Variants in TAPBPL observed in about 807,000 individuals in gnomAD.
TAPBPL encodes the protein tapasin-related protein.
TAPBPL carries 32 observed loss-of-function variants against 44.8 expected under a neutral mutation model. The observed-to-expected ratio is 0.71, with a 90% confidence interval of 0.54 to 0.96. The LOEUF (loss-of-function observed/expected upper bound fraction) is 0.96. TAPBPL is among the 40% of genes least tolerant of loss of function. The probability of loss-of-function intolerance (pLI) is 0.00; values close to 1 mark genes in which losing one functional copy is unlikely to be tolerated. For missense variants in TAPBPL, 520 were observed against 586.6 expected (o/e 0.89, Z 1.17); for synonymous variants, 230 against 240.7 (o/e 0.96, Z 0.41).
In TAPBPL at chr12:6,459,764, ATTTT is replaced by A. The variant is rs781610589; in HGVS notation, c.1207+818_1207+821del. Reference sequence around the variant, plus strand: ...TATTTATTTATTTATTTATTTATTTATTTTATTTTATTTTACTTTTTTTCGATAC... The same window carrying A: ...TATTTATTTATTTATTTATTTATTTAATTTTATTTTACTTTTTTTCGATAC... On this transcript the variant is annotated intron_variant, in intron 5 of 6. Coordinates refer to ENST00000266556, the MANE Select transcript of TAPBPL (RefSeq NM_018009.5). Among the ~76,000 whole-genome samples the A allele has an allele frequency of 3.5e-3, 397 of 112,824 alleles. 3 individuals are homozygous for A. Among genetic ancestry groups the A allele is most frequent in the African/African-American group, 0.017 (299 of 17,922 alleles). The allele number at this position is 112,824 out of a possible 152,430, so 74.0% of individuals were successfully genotyped here. A position where few individuals can be genotyped will look rare whatever the true frequency, so the allele number is the denominator to read the frequency against.
Position 6,453,183 on chromosome 12 carries a change from TC to T in TAPBPL, c.184del (p.Val63CysfsTer2), listed in dbSNP as rs1249828913. 6.2e-7 allele frequency: 1 copy of T among 1,612,078 alleles called. No individual in the cohort carries two copies. Among genetic ancestry groups the T allele is most frequent in the African/African-American group, 1.3e-5 (1 of 74,878 alleles). On this transcript the variant is annotated frameshift_variant, in exon 2 of 7. Transcript: ENST00000266556. LOFTEE classifies it high-confidence loss of function. This position sits in a 1 kb window ranked among gnomAD's most constrained non-coding sequence, Gnocchi z 4.8. ...CAGCAGTGAGGACAGGGCAAGGGCC[TC>T]CCTTGTGCTGAAGCAGGTGCCAGTG... ...LASSEDRARA[S>X]LVLKQVPVLD...
chr12:6,456,011 C>T (rs7305483), intron 3 of TAPBPL, among the ~76,000 whole-genome samples: 23,356 of 151,998 alleles, frequency 0.15, 2,118 homozygotes, highest in East Asian at 0.31. Context: ...CCACCCATCT[C>T]GGCCTCCCAA....
rs1412075931 is a variant in TAPBPL, at chr12:6,453,428, G to T, written c.296-19G>T. The T allele has an allele frequency of 6.2e-7, 1 of 1,613,452 alleles. No homozygotes were observed. Among genetic ancestry groups the T allele is most frequent in the Non-Finnish European group, 8.5e-7 (1 of 1,179,614 alleles). ...TCTCACGCTAATTTGCCCTCTGTGT[G>T]TGCCCTGCTTCTCCCCAGTGGACCT... On this transcript the variant is annotated intron_variant, in intron 2 of 6. Transcript: ENST00000266556. This position sits in a 1 kb window ranked among gnomAD's most constrained non-coding sequence, Gnocchi z 4.8.
chr12:6,452,973 C>A, intron 1 of TAPBPL, 94 bp from the exon 2 acceptor site: 1 of 1,294,214 alleles, frequency 7.7e-7, no homozygotes, highest in Non-Finnish European at 1.1e-6. Context: ...AACTTTTACC[C>A]TTTGATGACT....
At position 6,460,909 on chromosome 12, in the gene TAPBPL, T is replaced by C. The variant is rs1949840206; in HGVS notation, c.1262T>C (p.Leu421Pro). The change falls in exon 6 of 7, where the codon CTG (leucine) becomes CCG (proline). Residue 421 changes from leucine (L) to proline (P), a missense_variant. Transcript: ENST00000266556. ...GCCAGCAGTCTCTTCCTTCTTGCAC[T>C]GATGTTCCTGGGGCTTCAGAGACGG... ...IFASSLFLLA[L>P]MFLGLQRRQA... The C allele has an allele frequency of 6.2e-7, 1 of 1,613,996 alleles. No homozygotes were observed. Among genetic ancestry groups the C allele is most frequent in the Non-Finnish European group, 8.5e-7 (1 of 1,180,018 alleles).
At position 6,454,591 on chromosome 12, in the gene TAPBPL, C is replaced by G. The variant is rs138261393; in HGVS notation, c.565+875C>G. On this transcript the variant is annotated intron_variant, in intron 3 of 6. Coordinates refer to ENST00000266556, the MANE Select transcript of TAPBPL (RefSeq NM_018009.5). ...CAAAATGGAGATCGTTCTCATCTCA[C>G]TGGGCTGCCATGAGGAAATAAGACA... Among the ~76,000 whole-genome samples the G allele has an allele frequency of 2.0e-3, 302 of 152,322 alleles. 1 individual carries two copies. Among genetic ancestry groups the G allele is most frequent in the African/African-American group, 7.0e-3 (289 of 41,580 alleles).
In TAPBPL at chr12:6,462,236, G is replaced by C. The variant is rs1949890002; in HGVS notation, c.*87G>C. On this transcript the variant is annotated 3_prime_UTR_variant, in exon 7 of 7. Coordinates refer to ENST00000266556, the MANE Select transcript of TAPBPL (RefSeq NM_018009.5). Reference sequence around the variant, plus strand: ...TCCAACCCAAACAACAACCAAGCCAGTTTAATGGTAGGAATTTGTATTTTT... The same window carrying C: ...TCCAACCCAAACAACAACCAAGCCACTTTAATGGTAGGAATTTGTATTTTT... The C allele has an allele frequency of 8.7e-7, 1 of 1,154,274 alleles. No individual in the cohort carries two copies. The highest frequency in any genetic ancestry group is 1.6e-5 in the African/African-American group (1 of 63,868). 71.5% of individuals were successfully genotyped at this position (1,154,274 alleles called of 1,614,324 possible).
At chr12:6,466,295 C>T, downstream of TAPBPL, 3 of 1,614,130 alleles carry the variant, frequency 1.9e-6, no homozygotes, top group Non-Finnish European at 2.5e-6. Flanking sequence ...GCCAGGGGGA[C>T]CCCCACCTGG....
At chr12:6,452,746 G>A (rs1373213588) in intron 1 of TAPBPL, 1 of 611,624 alleles carries the variant, frequency 1.6e-6, no homozygotes, top group African/African-American at 1.8e-5. Flanking sequence ...TCTCTGCGGT[G>A]GCACTTGCTT....
chr12:6,457,480 T>G lies in TAPBPL; in HGVS notation c.640T>G (p.Phe214Val). ...LGSSASLDCG[F>V]SMAPGLDLIS... is the part of the protein sequence containing the mutation. ...GTCCTCAGCCTCCTTGGACTGTGGCTTCTCCATGGCACCGGGCTTGGACCT... is the reference window on the plus strand; with the variant it reads ...GTCCTCAGCCTCCTTGGACTGTGGCGTCTCCATGGCACCGGGCTTGGACCT... The change falls in exon 4 of 7, where the codon TTC becomes GTC. Residue 214 changes from phenylalanine (F) to valine (V), a missense_variant. Coordinates refer to ENST00000266556, the MANE Select transcript of TAPBPL (RefSeq NM_018009.5). The G allele has an allele frequency of 1.9e-6, 3 of 1,614,238 alleles. No homozygotes were observed. The highest frequency in any genetic ancestry group is 2.5e-6 in the Non-Finnish European group (3 of 1,180,044).
chr12:6,465,160 C>A, downstream of TAPBPL: 1 of 607,876 alleles, frequency 1.6e-6, no homozygotes, highest in Non-Finnish European at 2.8e-6. Context: ...CATCACAGGA[C>A]CTGCATTGAG....
upstream of TAPBPL, chr12:6,452,016 G>T (rs1281115490): frequency 6.9e-6 from 4 of 575,964 alleles, no homozygotes; most frequent in Admixed American, 1.2e-4. Flanking sequence ...AAAGGAAACA[G>T]CAAGCAGGGC....
downstream of TAPBPL, chr12:6,462,951 G>C (rs780781733): frequency 6.4e-7 from 1 of 1,554,248 alleles, no homozygotes; most frequent in South Asian, 1.2e-5. Flanking sequence ...ACCCTGCCCA[G>C]CATGGCCTCA....
chr12:6,465,737 G>C, downstream of TAPBPL: 1 of 1,442,630 alleles, frequency 6.9e-7, no homozygotes, highest in Non-Finnish European at 9.3e-7. Flanking sequence ...GCTGGTCAGA[G>C]AGATCCTGCA....
downstream of TAPBPL, chr12:6,470,382 G>A (rs1565529607): frequency 8.3e-7 from 1 of 1,209,502 alleles, no homozygotes; most frequent in Non-Finnish European, 1.2e-6. Context: ...CCCTCCCTGG[G>A]GGTGGCCCGG....
At chr12:6,464,704 G>A (rs989534295), downstream of TAPBPL, 2 of 1,505,906 alleles carry the variant, frequency 1.3e-6, no homozygotes, top group Admixed American at 4.7e-5. Context: ...CAGGGGGAAG[G>A]CTTGTCCATC....
downstream of TAPBPL, among the ~76,000 whole-genome samples, chr12:6,468,546 T>G (rs1485864272): frequency 6.6e-6 from 1 of 152,234 alleles, no homozygotes; most frequent in Admixed American, 6.5e-5. Context: ...CTAGAAATTG[T>G]CCTCAATGTG....
chr12:6,470,714 G>A, downstream of TAPBPL: 1 of 710,420 alleles, frequency 1.4e-6, no homozygotes, highest in South Asian at 1.7e-5. Context: ...TATTAGTGCT[G>A]ACCACGCCTC....
At chr12:6,464,343 AT>A (rs1478707639), downstream of TAPBPL, 1 of 1,549,802 alleles carries the variant, frequency 6.5e-7, no homozygotes, top group African/African-American at 1.4e-5. Flanking sequence ...AAAAGGAGGA[AT>A]GGGTGATGGA....
Sources: gnomAD v4.1 joint callset for allele counts (sites outside exome capture counted in the v4.1 genomes callset) on GRCh38, gnomAD v4.1.1 for gene constraint, Gnocchi (gnomAD v3.1) non-coding constraint, MANE v1.5 for transcripts, NCBI Gene and HGNC (gene_info 2026-07-23, HGNC 2026-07-21) for gene names.